Variants in SLC17A8 observed in about 807,000 individuals in gnomAD.
SLC17A8 encodes solute carrier family 17 member 8, also known as vesicular glutamate transporter 3.
Under a neutral mutation model 58.0 loss-of-function variants are expected in SLC17A8, and 31 were observed. That is an observed-to-expected ratio of 0.53 (90% CI 0.40 to 0.72). The LOEUF is 0.72. SLC17A8 is among the 30% of genes least tolerant of loss of function. The pLI is 0.00. For missense variants in SLC17A8, 655 were observed against 727.8 expected (o/e 0.90, Z 1.15); for synonymous variants, 228 against 249.0 (o/e 0.92, Z 0.79).
rs541077172 is a variant in SLC17A8 at position 100,381,880 on chromosome 12, G to A, written c.354+927G>A. On this transcript the variant is annotated intron_variant, in intron 2 of 11. Coordinates refer to ENST00000323346, the MANE Select transcript of SLC17A8 (RefSeq NM_139319.3). ...ATTTACTCTGATTTTAAGTTGGAAT[G>A]TATGCCATTGTTGGAAATAGTGGCC... Among the ~76,000 whole-genome samples, 5 of 152,248 alleles carry A rather than the reference G, an allele frequency of 3.3e-5. No individual in the cohort carries two copies. The East Asian group carries it at 7.7e-4, about 24-fold the overall frequency.
At chr12:100,400,798 G>A (rs569303983) in intron 5 of SLC17A8, among the ~76,000 whole-genome samples, 47 of 152,112 alleles carry the variant, frequency 3.1e-4, no homozygotes, top group African/African-American at 1.0e-3. Context: ...CCTACCAGAC[G>A]TCCAGAGGAT....
chr12:100,419,300 C>T (rs1379537205), intron 11 of SLC17A8, among the ~76,000 whole-genome samples: 1 of 151,980 alleles, frequency 6.6e-6, no homozygotes, highest in Non-Finnish European at 1.5e-5. Context: ...TTTGGGAGGC[C>T]AAGGCGGGTG....
In SLC17A8 at chr12:100,396,244, C is replaced by G. The variant is rs548667964; in HGVS notation, c.589-86C>G. 2.6e-4 allele frequency: 272 copies of G among 1,051,130 alleles called. 4 individuals carry two copies. In the South Asian group the frequency reaches 3.3e-3, roughly 13 times the overall value. The allele number at this position is 1,051,130 out of a possible 1,614,324, so 65.1% of individuals were successfully genotyped here. A position where few individuals can be genotyped will look rare whatever the true frequency, so the allele number is the denominator to read the frequency against. On this transcript the variant is annotated intron_variant, in intron 4 of 11. Transcript: ENST00000323346. ...TGTAAATTGGGCTTTTATATTGTAG[C>G]CTGTGTGAAGAAGCAGCATCCATAT...
At chr12:100,386,692 C>CTT (rs60474852) in intron 2 of SLC17A8, among the ~76,000 whole-genome samples, 87,193 of 140,154 alleles carry the variant, frequency 0.62, 27,610 homozygotes, top group East Asian at 0.9. Context: ...ACCACATTTC[C>CTT]TTTTTTTTTT....
intron 3 of SLC17A8, among the ~76,000 whole-genome samples, 200 bp downstream of exon 3, chr12:100,391,319 C>G (rs2135995157): frequency 6.6e-6 from 1 of 152,214 alleles, no homozygotes; most frequent in East Asian, 1.9e-4. Context: ...GTGTCTCACT[C>G]TGTCACCCAG....
At chr12:100,385,585 C>G (rs7316068) in intron 2 of SLC17A8, among the ~76,000 whole-genome samples, 105,068 of 151,958 alleles carry the variant, frequency 0.69, 38,473 homozygotes, top group East Asian at 0.99. Context: ...GGTAGTCAGT[C>G]GGGGAGAATC....
chr12:100,386,660 A>G (rs1360843465), intron 2 of SLC17A8, among the ~76,000 whole-genome samples: 2 of 150,838 alleles, frequency 1.3e-5, no homozygotes, highest in Admixed American at 6.6e-5. Flanking sequence ...TAAAAGATGA[A>G]TAGTATTCCA....
At chr12:100,390,948 G>C (rs200832399) in intron 2 of SLC17A8, 53 bp from the exon 3 acceptor site, 42 of 1,206,430 alleles carry the variant, frequency 3.5e-5, no homozygotes, top group East Asian at 1.4e-4. Context: ...GGTAAAAAAT[G>C]GTTGTCAGCC....
intron 1 of SLC17A8, among the ~76,000 whole-genome samples, chr12:100,360,065 C>T (rs575927653): frequency 6.6e-6 from 1 of 152,266 alleles, no homozygotes; most frequent in African/African-American, 2.4e-5. Flanking sequence ...CACAGGGAAG[C>T]ATTTGAGAGT....
intron 1 of SLC17A8, among the ~76,000 whole-genome samples, chr12:100,365,339 C>G (rs769096963): frequency 1.1e-4 from 16 of 152,100 alleles, no homozygotes; most frequent in Non-Finnish European, 1.6e-4. Context: ...CTATATTTCT[C>G]CTATTGAGTT....
chr12:100,409,148 TG>T lies in SLC17A8; in HGVS notation c.1187-3621del, dbSNP rs1446128234. Among the ~76,000 whole-genome samples the T allele has an allele frequency of 1.6e-3, 23 of 14,366 alleles. No individual in the cohort carries two copies. In the East Asian group the frequency reaches 0.046, roughly 29 times the overall value. 9.4% of individuals were successfully genotyped at this position (14,366 alleles called of 152,430 possible). A position where few individuals can be genotyped will look rare whatever the true frequency, so the allele number is the denominator to read the frequency against. ...CTTTGCATTAATTCATTAAACGTTA[TG>T]TATGTATGTATGTATGTATGTATGT... On this transcript the variant is annotated intron_variant, in intron 9 of 11. Coordinates refer to ENST00000323346, the MANE Select transcript of SLC17A8 (RefSeq NM_139319.3).
chr12:100,376,019 C>T (rs951753146), intron 1 of SLC17A8, among the ~76,000 whole-genome samples: 4 of 151,978 alleles, frequency 2.6e-5, no homozygotes, highest in East Asian at 1.9e-4. Context: ...AGGCCCTAAT[C>T]GAATATGACT....
At chr12:100,381,757 T>A (rs1952639607) in intron 2 of SLC17A8, among the ~76,000 whole-genome samples, 1 of 152,152 alleles carries the variant, frequency 6.6e-6, no homozygotes, top group Admixed American at 6.5e-5. Flanking sequence ...TATATTAAAA[T>A]ATAAATACCA....
rs1429816569 is a variant in SLC17A8 at position 100,401,959 on chromosome 12, G to T, written c.763+96G>T. On this transcript the variant is annotated intron_variant, in intron 6 of 11. Transcript: ENST00000323346. ...TCAGAGTTCATTACATCAAAATAGA[G>T]ATTACTAAAACAAGTTTATTGTATA... is the stretch of plus-strand genomic sequence containing the variant. 40 of 946,010 alleles carry T rather than the reference G, an allele frequency of 4.2e-5. 1 individual carries two copies. The highest frequency in any genetic ancestry group is 6.8e-5 in the Non-Finnish European group (39 of 573,838). The allele number at this position is 946,010 out of a possible 1,614,324, so 58.6% of individuals were successfully genotyped here.
chr12:100,412,927 G>A, intron 10 of SLC17A8, 47 bp downstream of exon 10: 1 of 1,429,320 alleles, frequency 7.0e-7, no homozygotes, highest in Non-Finnish European at 9.9e-7. Flanking sequence ...GATTCAACAA[G>A]TCCCAGGAAG....
intron 5 of SLC17A8, 87 bp downstream of exon 5, chr12:100,396,504 T>A: frequency 9.6e-7 from 1 of 1,041,616 alleles, no homozygotes; most frequent in Non-Finnish European, 1.5e-6. Flanking sequence ...TCTCAGCACT[T>A]TAGGGAGGCC....
rs1256384685 is a variant in SLC17A8, at chr12:100,357,355, C to CT, written c.-36dup. ...TGAGGAAGGATGACAGTTTTTGAGA[C>CT]TGACTGTTAACGGCTCAGAGGTGCC... On this transcript the variant is annotated 5_prime_UTR_variant, in exon 1 of 12. The change creates a premature stop within an existing upstream ORF in the 5' untranslated region. Transcript: ENST00000323346. The CT allele has an allele frequency of 8.6e-7, 1 of 1,161,534 alleles. No individual in the cohort carries two copies. The allele number at this position is 1,161,534 out of a possible 1,614,324, so 72.0% of individuals were successfully genotyped here. A position where few individuals can be genotyped will look rare whatever the true frequency, so the allele number is the denominator to read the frequency against.
chr12:100,418,270 A>G, intron 11 of SLC17A8, 114 bp downstream of exon 11: 1 of 1,341,222 alleles, frequency 7.5e-7, no homozygotes, highest in South Asian at 1.2e-5. Flanking sequence ...CTTGACCTTG[A>G]CTGAGTCAGC....
At chr12:100,415,450 AT>A (rs1566405511) in intron 10 of SLC17A8, among the ~76,000 whole-genome samples, 11 of 151,362 alleles carry the variant, frequency 7.3e-5, no homozygotes, top group Admixed American at 3.3e-4. Flanking sequence ...AAAAAAAAAA[AT>A]AGACAGGGTC....
Sources: allele counts gnomAD v4.1 joint callset (sites outside exome capture counted in the v4.1 genomes callset), GRCh38; gene constraint gnomAD v4.1.1; transcripts MANE v1.5; gene names NCBI Gene and HGNC (gene_info 2026-07-23, HGNC 2026-07-21).